Variants in PRKG1 observed in about 807,000 individuals in gnomAD.
The protein encoded by PRKG1 is cGMP-dependent protein kinase 1.
In PRKG1, 35 loss-of-function variants were observed where a neutral mutation model predicts 88.1. The observed-to-expected ratio is 0.40, with a 90% CI of 0.30 to 0.53. The LOEUF (loss-of-function observed/expected upper bound fraction) is 0.53. Ranked by LOEUF, PRKG1 falls within the 20% of genes least tolerant of loss-of-function variation. PRKG1 has a pLI of 0.59. For missense variants in PRKG1, 540 were observed against 839.8 expected, an observed-to-expected ratio of 0.64 and a Z score of 4.41; for synonymous variants, 303 against 292.5, an observed-to-expected ratio of 1.04 and a Z score of -0.37.
intron 10 of PRKG1, chr10:52,252,794 G>C (rs1841206737): frequency 6.6e-6 from 1 of 150,994 alleles, no homozygotes; most frequent in South Asian, 2.1e-4. Context: ...CCTGTGACTT[G>C]AAAGTCCATA....
intron 4 of PRKG1, among the ~76,000 whole-genome samples, chr10:51,889,061 T>TTG (rs11413942): frequency 1.0e-4 from 1 of 9,904 alleles, no homozygotes; most frequent in African/African-American, 1.2e-3. Context: ...ACACACATTC[T>TTG]TTTTTTTTTT....
intron 3 of PRKG1, among the ~76,000 whole-genome samples, chr10:51,616,405 T>A (rs1839056269): frequency 6.6e-6 from 1 of 152,132 alleles, no homozygotes; most frequent in Non-Finnish European, 1.5e-5. Context: ...GGCAGGATAG[T>A]CCTGTGGAGC....
At chr10:51,694,980 T>C (rs1021243419) in intron 3 of PRKG1, among the ~76,000 whole-genome samples, 12 of 152,164 alleles carry the variant, frequency 7.9e-5, no homozygotes, top group African/African-American at 2.9e-4. Flanking sequence ...AAATAGTTGT[T>C]ATAGCTCATT....
chr10:51,390,743 C>G (rs187917732), intron 2 of PRKG1, among the ~76,000 whole-genome samples: 10 of 152,112 alleles, frequency 6.6e-5, no homozygotes, highest in Admixed American at 3.9e-4. Flanking sequence ...CAGGAGTTGC[C>G]ATTTGCTAGG....
chr10:51,456,029 A>T (rs1169418224), intron 2 of PRKG1, among the ~76,000 whole-genome samples: 1 of 152,214 alleles, frequency 6.6e-6, no homozygotes, highest in African/African-American at 2.4e-5. Flanking sequence ...TGGGTAATTT[A>T]TAAAGAAAAG....
chr10:51,147,087 A>G (rs1304681277), intron 1 of PRKG1, among the ~76,000 whole-genome samples: 1 of 152,162 alleles, frequency 6.6e-6, no homozygotes, highest in Non-Finnish European at 1.5e-5. Context: ...TGTAGATTGA[A>G]TGCATAAAAG....
chr10:52,173,226 A>T (rs924108867), intron 9 of PRKG1, among the ~76,000 whole-genome samples: 3 of 152,224 alleles, frequency 2.0e-5, no homozygotes, highest in East Asian at 1.9e-4. Context: ...TTATTCAAAA[A>T]TTTTTTATCA....
chr10:51,823,201 G>A (rs908319457), intron 4 of PRKG1, among the ~76,000 whole-genome samples: 1 of 152,010 alleles, frequency 6.6e-6, no homozygotes, highest in Non-Finnish European at 1.5e-5. Flanking sequence ...CAAAAAGCTT[G>A]AGAACCACCC....
chr10:51,931,715 G>T (rs762158055), intron 5 of PRKG1, among the ~76,000 whole-genome samples: 1 of 152,284 alleles, frequency 6.6e-6, no homozygotes, highest in South Asian at 2.1e-4. Flanking sequence ...CAGAGATCCA[G>T]AGGGAATCAA....
At chr10:51,619,857 C>CA (rs547196856) in intron 3 of PRKG1, among the ~76,000 whole-genome samples, 34 of 152,160 alleles carry the variant, frequency 2.2e-4, no homozygotes, top group Admixed American at 1.5e-3. Flanking sequence ...AGAGAAGAAA[C>CA]AAATTTTCAT....
intron 3 of PRKG1, among the ~76,000 whole-genome samples, chr10:51,621,355 C>G (rs1008804396): frequency 1.3e-5 from 2 of 151,918 alleles, no homozygotes; most frequent in Non-Finnish European, 2.9e-5. Flanking sequence ...GATCTCAAAA[C>G]TTTTGCTTTG....
chr10:51,597,367 C>T (rs1199642751), intron 3 of PRKG1, among the ~76,000 whole-genome samples: 1 of 152,026 alleles, frequency 6.6e-6, no homozygotes, highest in Non-Finnish European at 1.5e-5. Context: ...CTAACATTAC[C>T]CCTGACAACT....
chr10:52,172,209 T>C (rs1337060752), intron 9 of PRKG1, among the ~76,000 whole-genome samples: 1 of 152,246 alleles, frequency 6.6e-6, no homozygotes, highest in Non-Finnish European at 1.5e-5. Flanking sequence ...AATCCCAGTA[T>C]GTGCTTGCTT....
At chr10:51,314,184 C>T (rs763330770) in intron 2 of PRKG1, among the ~76,000 whole-genome samples, 3 of 152,172 alleles carry the variant, frequency 2.0e-5, no homozygotes, top group Non-Finnish European at 2.9e-5. Context: ...CACACAGCAA[C>T]GTCATGGTAC....
chr10:51,987,972 C>T (rs1484957639), intron 5 of PRKG1, among the ~76,000 whole-genome samples: 1 of 151,970 alleles, frequency 6.6e-6, no homozygotes, highest in East Asian at 1.9e-4. Flanking sequence ...TAACTTTATG[C>T]CATATTTGTT....
chr10:52,004,814 C>A (rs888129680), intron 5 of PRKG1, among the ~76,000 whole-genome samples: 3 of 152,122 alleles, frequency 2.0e-5, no homozygotes, highest in African/African-American at 4.8e-5. Context: ...GTAATCCCAG[C>A]ACACTGGGAG....
chr10:52,139,405 A>T (rs767917049), intron 8 of PRKG1, among the ~76,000 whole-genome samples: 9 of 152,082 alleles, frequency 5.9e-5, no homozygotes, highest in Non-Finnish European at 1.0e-4. Context: ...ACAGCTTCTG[A>T]TGCTGGTCTC....
At chr10:51,420,181 G>T (rs528939546) in intron 2 of PRKG1, among the ~76,000 whole-genome samples, 1 of 152,084 alleles carries the variant, frequency 6.6e-6, no homozygotes, top group East Asian at 1.9e-4. Flanking sequence ...GCGGGAGCAG[G>T]CAATTTGCAT....
intron 7 of PRKG1, among the ~76,000 whole-genome samples, chr10:52,085,348 A>G (rs1846885964): frequency 6.6e-6 from 1 of 151,522 alleles, no homozygotes; most frequent in Admixed American, 6.6e-5. Context: ...CAAAAGGACG[A>G]TTTTCTAACT....
Sources: allele counts gnomAD v4.1 joint callset (sites outside exome capture counted in the v4.1 genomes callset), GRCh38; gene constraint gnomAD v4.1.1; transcripts MANE v1.5; gene names NCBI Gene and HGNC (gene_info 2026-07-23, HGNC 2026-07-21).